The following EIF4B variants were observed in gnomAD, a reference collection of about 807,000 sequenced individuals.
EIF4B encodes the protein eukaryotic translation initiation factor 4B.
EIF4B carries 8 observed loss-of-function variants against 79.3 expected under a neutral mutation model. The observed-to-expected ratio is 0.10, with a 90% CI of 0.06 to 0.18. The LOEUF is 0.18. Among genes scored for constraint, EIF4B ranks in the 10% least tolerant of loss-of-function variants. EIF4B has a pLI of 1.00. For missense variants in EIF4B, 515 were observed against 792.4 expected (o/e 0.65, Z 4.20); for synonymous variants, 238 against 274.7 (o/e 0.87, Z 1.32).
At chr12:53,023,272 G>A (rs1027627132) in intron 6 of EIF4B, among the ~76,000 whole-genome samples, 5 of 152,048 alleles carry the variant, frequency 3.3e-5, no homozygotes, top group Non-Finnish European at 4.4e-5. Context: ...TCGCTGTGTC[G>A]CCCAGGCTGG....
rs71095966 is a variant in EIF4B, at chr12:53,019,450, C to CTTTTTTTTTTTTTTTT, written c.361-451_361-436dup. 2.2e-3 allele frequency among the ~76,000 whole-genome samples: 147 copies of CTTTTTTTTTTTTTTTT among 65,998 alleles called. 21 individuals are homozygous for CTTTTTTTTTTTTTTTT. The highest frequency in any genetic ancestry group is 3.5e-3 in the Non-Finnish European group (111 of 31,880). 43.3% of individuals were successfully genotyped at this position (65,998 alleles called of 152,430 possible). ...ATATATATATATATTTTTTTTTTTT[C>CTTTTTTTTTTTTTTTT]TTTTTTTTTTTTTTTTTTTTTTTTG... On this transcript the variant is annotated intron_variant, in intron 3 of 14. Transcript: ENST00000262056.
rs759888555 is a variant in EIF4B, at chr12:53,033,812, C to T, written c.986C>T (p.Pro329Leu). The T allele has an allele frequency of 1.3e-6, 2 of 1,588,844 alleles. No individual in the cohort carries two copies. The highest frequency in any genetic ancestry group is 1.7e-6 in the Non-Finnish European group (2 of 1,168,352). The part of the protein sequence containing the change: ...DDYRRDDRGP[P>L]QRPKLNLKPR... ...AAAGTTTCATTTAACTTAGGTCCCC[C>T]CCAAAGACCCAAACTGAATCTAAAG... Residue 329 changes from proline (P) to leucine (L), a missense_variant, in exon 9 of 15, where the codon CCC becomes CTC. Physicochemically the swap from Pro to Leu is moderately conservative, Grantham distance 98. This residue lies in a region of EIF4B where 187 missense variants were observed against 256.5 expected (regional missense o/e 0.73). Transcript: ENST00000262056.
At chr12:53,024,699 C>T (rs1029819098) in intron 6 of EIF4B, among the ~76,000 whole-genome samples, 2 of 152,078 alleles carry the variant, frequency 1.3e-5, no homozygotes, top group African/African-American at 4.8e-5. Flanking sequence ...CTGTGTTGCC[C>T]AGACTGGAGT....
At chr12:53,027,514 T>C (rs1943357259) in intron 6 of EIF4B, among the ~76,000 whole-genome samples, 4 of 152,136 alleles carry the variant, frequency 2.6e-5, no homozygotes, top group Admixed American at 2.6e-4. Context: ...TTTTAGTGTC[T>C]TGTGCTTTGT....
At chr12:53,017,856 G>T (rs1196680930) in intron 2 of EIF4B, among the ~76,000 whole-genome samples, 3 of 152,178 alleles carry the variant, frequency 2.0e-5, no homozygotes, top group African/African-American at 7.2e-5. Flanking sequence ...CTCCCAAAGT[G>T]CTGGGATTAC....
intron 10 of EIF4B, among the ~76,000 whole-genome samples, chr12:53,035,614 C>T (rs990047732): frequency 1.3e-5 from 2 of 151,976 alleles, no homozygotes; most frequent in African/African-American, 2.4e-5. Flanking sequence ...ATGATCCACC[C>T]GACTCGGCCT....
At chr12:53,029,423 T>C (rs902776131) in intron 8 of EIF4B, among the ~76,000 whole-genome samples, 3 of 149,696 alleles carry the variant, frequency 2.0e-5, no homozygotes, top group African/African-American at 7.3e-5. Flanking sequence ...GTTGCCAGGC[T>C]GGAGTGCAGT....
chr12:53,034,821 G>C (rs983775107), intron 10 of EIF4B, 112 bp downstream of exon 10: 5 of 1,177,072 alleles, frequency 4.2e-6, no homozygotes, highest in Non-Finnish European at 5.0e-6. Context: ...CTCTTTATTT[G>C]GGTTGCATGG....
chr12:53,035,560 G>A (rs1002173496), intron 10 of EIF4B, among the ~76,000 whole-genome samples: 12 of 151,784 alleles, frequency 7.9e-5, no homozygotes, highest in Non-Finnish European at 1.6e-4. Context: ...AGTAGAGATG[G>A]GGTTTCACTG....
intron 3 of EIF4B, among the ~76,000 whole-genome samples, chr12:53,019,464 T>TC (rs1943211348): frequency 1.6e-5 from 2 of 125,602 alleles, no homozygotes; most frequent in Non-Finnish European, 3.5e-5. Context: ...TTTTTTTTTT[T>TC]TTTTTTTTTT....
At chr12:53,008,793 T>TC (rs1267866227) in intron 1 of EIF4B, 1 of 151,970 alleles carries the variant, frequency 6.6e-6, no homozygotes, top group Non-Finnish European at 1.5e-5. Flanking sequence ...TCCCAGCACT[T>TC]CGGGAGGTCG....
chr12:53,010,527 T>G (rs1044826545), intron 1 of EIF4B, among the ~76,000 whole-genome samples: 7 of 151,056 alleles, frequency 4.6e-5, no homozygotes, highest in Non-Finnish European at 8.8e-5. Context: ...ATGGCTGGGC[T>G]GTAAACACCA....
At chr12:53,031,048 A>G (rs1197944012) in intron 8 of EIF4B, among the ~76,000 whole-genome samples, 1 of 151,326 alleles carries the variant, frequency 6.6e-6, no homozygotes, top group Non-Finnish European at 1.5e-5. Context: ...TGCTGCTGCT[A>G]CCTTCGTTGA....
intron 13 of EIF4B, 94 bp from the exon 14 acceptor site, chr12:53,039,536 T>C (rs1340081066): frequency 1.3e-5 from 18 of 1,427,434 alleles, no homozygotes. Context: ...TGACTAGAGG[T>C]GCCTGTTCAG....
intron 8 of EIF4B, among the ~76,000 whole-genome samples, chr12:53,032,627 A>G (rs1402115536): frequency 6.6e-6 from 1 of 151,324 alleles, no homozygotes; most frequent in Admixed American, 6.6e-5. Context: ...CTTGTACTAC[A>G]TCATGGATGT....
Position 53,022,424 on chromosome 12 carries a change from T to G in EIF4B, c.533-69T>G. 5 of 1,598,788 alleles carry G rather than the reference T, an allele frequency of 3.1e-6. No homozygotes were observed. In the South Asian group the frequency reaches 5.6e-5, roughly 18 times the overall value. On this transcript the variant is annotated intron_variant, in intron 5 of 14. Coordinates refer to ENST00000262056, the MANE Select transcript of EIF4B (RefSeq NM_001417.7). ...AAAATAGGGTAAAATGGGGGTTTTC[T>G]ATGTGTGAGAAATATTGGGCAAAGT... is the stretch of plus-strand genomic sequence containing the variant.
chr12:53,017,180 G>C (rs760603280), intron 2 of EIF4B, among the ~76,000 whole-genome samples: 29 of 152,052 alleles, frequency 1.9e-4, no homozygotes, highest in African/African-American at 6.3e-4. Context: ...TTGAACCTGG[G>C]AGGCGGAGGG....
intron 2 of EIF4B, 59 bp from the exon 3 acceptor site, chr12:53,018,739 T>G (rs1943187844): frequency 6.3e-7 from 1 of 1,593,028 alleles, no homozygotes; most frequent in South Asian, 1.1e-5. Flanking sequence ...GTCCTCTTGT[T>G]CTATGACAGT....
intron 6 of EIF4B, among the ~76,000 whole-genome samples, chr12:53,026,325 T>G (rs1476580888): frequency 1.3e-5 from 2 of 152,194 alleles, no homozygotes; most frequent in Non-Finnish European, 1.5e-5. Flanking sequence ...AACATAACGC[T>G]ACCCACAGTT....
Sources: allele counts gnomAD v4.1 joint callset (sites outside exome capture counted in the v4.1 genomes callset), GRCh38; gene constraint gnomAD v4.1.1; regional missense constraint gnomAD v4.1.1; transcripts MANE v1.5; gene names NCBI Gene and HGNC (gene_info 2026-07-23, HGNC 2026-07-21).